VPS13D: variants seen among roughly 807,000 people sequenced by gnomAD.
VPS13D encodes vacuolar protein sorting 13 homolog D.
Under a neutral mutation model 461.9 loss-of-function variants are expected in VPS13D, and 187 were observed. That is an observed-to-expected ratio of 0.40 (90% CI 0.36 to 0.46). The LOEUF (loss-of-function observed/expected upper bound fraction) is 0.46, where lower values mean the gene tolerates loss of function less well. Among genes scored for constraint, VPS13D ranks in the 20% least tolerant of loss-of-function variants. The pLI, the probability that VPS13D is intolerant of heterozygous loss-of-function variation, is 0.60. For synonymous variants in VPS13D, 1,951 were observed against 1,986.3 expected, an observed-to-expected ratio of 0.98 and a Z score of 0.47; for missense variants, 4,711 against 5,364.9, an observed-to-expected ratio of 0.88 and a Z score of 3.81.
rs1022708345 is a variant in VPS13D, at chr1:12,404,830, TAGAA to T, written c.12030+860_12030+863del. ...GGAGCAGGAGTGGATCCAGGGGTGT[TAGAA>T]AGTCTTTCCTTAGTTTGAGTCAAAG... On this transcript the variant is annotated intron_variant, in intron 63 of 69. Transcript: ENST00000620676. Among the ~76,000 whole-genome samples the T allele has an allele frequency of 6.0e-4, 92 of 152,266 alleles. 1 individual carries two copies. The highest frequency in any genetic ancestry group is 3.4e-3 in the Middle Eastern group (1 of 294).
Position 12,335,692 on chromosome 1 carries a change from G to A in VPS13D, c.8429-13G>A. 6.3e-7 allele frequency: 1 copy of A among 1,598,284 alleles called. No homozygotes were observed. ...TTTTAGTTCTCTTAATATCTCTGGG[G>A]GATTCTTTCTAGACCAGTATGTAAG... On this transcript the variant is annotated splice_polypyrimidine_tract_variant and intron_variant, in intron 38 of 69. Transcript: ENST00000620676.
chr1:12,303,619 G>C (rs934909416), intron 25 of VPS13D, among the ~76,000 whole-genome samples: 1 of 152,228 alleles, frequency 6.6e-6, no homozygotes, highest in Admixed American at 6.5e-5. Flanking sequence ...TGAGAGAACT[G>C]TGAAAGGGAG....
Position 12,281,758 on chromosome 1 carries a change from G to C in VPS13D, c.4603-947G>C, listed in dbSNP as rs1265348139. On this transcript the variant is annotated intron_variant, in intron 20 of 69. Transcript: ENST00000620676. Reference sequence around the variant, plus strand: ...ATGGTTTATTCCACTAATGAACTTCGATGGCACACATTATTTAATTAGGGG... The same window carrying C: ...ATGGTTTATTCCACTAATGAACTTCCATGGCACACATTATTTAATTAGGGG... 1.3e-5 allele frequency among the ~76,000 whole-genome samples: 2 copies of C among 152,074 alleles called. 1 individual carries two copies. Among genetic ancestry groups the C allele is most frequent in the Non-Finnish European group, 2.9e-5 (2 of 68,032 alleles).
intron 23 of VPS13D, 25 bp from the exon 24 acceptor site, chr1:12,293,499 G>A (rs1181064449): frequency 1.9e-6 from 3 of 1,562,842 alleles, no homozygotes; most frequent in Admixed American, 3.6e-5. Flanking sequence ...TGTTATCTGA[G>A]TCACACTTTT....
Position 12,285,990 on chromosome 1 carries a change from T to TTCCTTTCCTTTCCTTTCCTC in VPS13D, c.5635-2229_5635-2228insTTCCTTTCCTTTCCTCTCCT, listed in dbSNP as rs1557686516. ...TTCCTTTCCTTTCCTTTCCTTTCCT[T>TTCCTTTCCTTTCCTTTCCTC]TCCTCTCCTCTCCTCTCCTCTCCTC... On this transcript the variant is annotated intron_variant, in intron 21 of 69. Coordinates refer to ENST00000620676, the MANE Select transcript of VPS13D (RefSeq NM_015378.4). Among the ~76,000 whole-genome samples, 10 of 49,486 alleles carry TTCCTTTCCTTTCCTTTCCTC rather than the reference T, an allele frequency of 2.0e-4. 1 individual carries two copies. The highest frequency in any genetic ancestry group is 6.2e-4 in the African/African-American group (8 of 12,850). The allele number at this position is 49,486 out of a possible 152,430, so 32.5% of individuals were successfully genotyped here. A position where few individuals can be genotyped will look rare whatever the true frequency, so the allele number is the denominator to read the frequency against.
intron 24 of VPS13D, 145 bp downstream of exon 24, chr1:12,293,849 T>C: frequency 1.2e-6 from 1 of 822,930 alleles, no homozygotes; most frequent in Non-Finnish European, 1.8e-6. Context: ...GACATCTTTG[T>C]GTAATTGAAG....
chr1:12,303,833 C>G (rs745568437), intron 25 of VPS13D, among the ~76,000 whole-genome samples: 3 of 152,220 alleles, frequency 2.0e-5, no homozygotes, highest in Non-Finnish European at 4.4e-5. Context: ...TTGAATTGTT[C>G]TGGTGAAATA....
Position 12,279,757 on chromosome 1 carries a change from G to T in VPS13D, c.4602+107G>T. The T allele has an allele frequency of 2.0e-6, 2 of 1,005,880 alleles. No homozygotes were observed. Among genetic ancestry groups the T allele is most frequent in the Non-Finnish European group, 1.3e-6 (1 of 741,462 alleles). The allele number at this position is 1,005,880 out of a possible 1,614,324, so 62.3% of individuals were successfully genotyped here. On this transcript the variant is annotated intron_variant, in intron 20 of 69. Transcript: ENST00000620676. This position sits in a 1 kb window ranked among gnomAD's most constrained non-coding sequence, Gnocchi z 4.3. The stretch of plus-strand genomic sequence containing the variant: ...GTTGGAAGGAATATATATTTTCAAA[G>T]ATATATCACCCATGCATAATACCAT...
At chr1:12,307,625 C>G (rs1240366178) in intron 26 of VPS13D, among the ~76,000 whole-genome samples, 1 of 152,108 alleles carries the variant, frequency 6.6e-6, no homozygotes, top group Non-Finnish European at 1.5e-5. Flanking sequence ...TCCTGAGTAG[C>G]TTGGATTTGG....
chr1:12,290,922 C>G, intron 22 of VPS13D, 76 bp from the exon 23 acceptor site: 1 of 1,409,198 alleles, frequency 7.1e-7, no homozygotes, highest in South Asian at 1.7e-5. Flanking sequence ...TGTATACCAG[C>G]TTTTGTTCCA....
chr1:12,352,768 A>G (rs1357954818), intron 46 of VPS13D, among the ~76,000 whole-genome samples: 1 of 152,018 alleles, frequency 6.6e-6, no homozygotes, highest in Non-Finnish European at 1.5e-5. Context: ...GTTCGAGACC[A>G]GCCTGACCAA....
chr1:12,370,621 G>A (rs1320572908), intron 54 of VPS13D, among the ~76,000 whole-genome samples: 1 of 152,182 alleles, frequency 6.6e-6, no homozygotes, highest in Non-Finnish European at 1.5e-5. Flanking sequence ...GTCTGTTGAC[G>A]TTCCCTTTGG....
chr1:12,332,945 T>C (rs781570062), intron 37 of VPS13D, among the ~76,000 whole-genome samples: 11 of 152,300 alleles, frequency 7.2e-5, no homozygotes, highest in Middle Eastern at 6.8e-3. Flanking sequence ...ACCTGTTCTT[T>C]AGTGGAAGAG....
At chr1:12,324,525 C>A (rs1643129497) in intron 35 of VPS13D, among the ~76,000 whole-genome samples, 1 of 152,048 alleles carries the variant, frequency 6.6e-6, no homozygotes, top group African/African-American at 2.4e-5. Flanking sequence ...GGCTCTGGAG[C>A]TGGCTGACTG....
intron 13 of VPS13D, among the ~76,000 whole-genome samples, chr1:12,263,487 CTG>C (rs1386986954): frequency 6.6e-6 from 1 of 152,132 alleles, no homozygotes; most frequent in Non-Finnish European, 1.5e-5. Flanking sequence ...AATATGGAAT[CTG>C]TGAATAATGA....
chr1:12,313,876 G>A (rs985853204), intron 29 of VPS13D, among the ~76,000 whole-genome samples: 3 of 152,124 alleles, frequency 2.0e-5, no homozygotes, highest in Non-Finnish European at 4.4e-5. Context: ...TTCTCATGCC[G>A]TTCCTATGAA....
At chr1:12,287,205 TCCTTCTGTG>T (rs1301436725) in intron 21 of VPS13D, among the ~76,000 whole-genome samples, 1 of 152,170 alleles carries the variant, frequency 6.6e-6, no homozygotes, top group East Asian at 1.9e-4. Flanking sequence ...GCCTTGAGAT[TCCTTCTGTG>T]CCTGGGTCAG....
chr1:12,345,960 T>G (rs1643666619), intron 43 of VPS13D, among the ~76,000 whole-genome samples: 1 of 152,074 alleles, frequency 6.6e-6, no homozygotes, highest in Non-Finnish European at 1.5e-5. Flanking sequence ...TCACACATGC[T>G]CTCACATACC....
At chr1:12,284,800 A>T (rs1641913029) in intron 21 of VPS13D, among the ~76,000 whole-genome samples, 1 of 152,234 alleles carries the variant, frequency 6.6e-6, no homozygotes, top group African/African-American at 2.4e-5. Context: ...AATGGAAGAC[A>T]TCTCAGGGTA....
Sources: gnomAD v4.1 joint callset for allele counts (sites outside exome capture counted in the v4.1 genomes callset) on GRCh38, gnomAD v4.1.1 for gene constraint, Gnocchi (gnomAD v3.1) non-coding constraint, MANE v1.5 for transcripts, NCBI Gene and HGNC (gene_info 2026-07-23, HGNC 2026-07-21) for gene names.